BDP1: variants seen among roughly 807,000 people sequenced by gnomAD.
BDP1 encodes the protein BDP1 general transcription factor IIIB subunit.
A neutral mutation model predicts 266.6 loss-of-function variants in BDP1; 169 were observed. The ratio of observed to expected loss-of-function variants is 0.63; its 90% CI spans 0.56 to 0.72. The LOEUF (loss-of-function observed/expected upper bound fraction) is 0.72. Ranked by LOEUF, BDP1 falls within the 30% of genes least tolerant of loss-of-function variation. BDP1 has a pLI of 0.00. For synonymous variants in BDP1, 1,090 were observed against 1,022.4 expected, an observed-to-expected ratio of 1.07 and a Z score of -1.26; for missense variants, 3,015 against 3,053.8, an observed-to-expected ratio of 0.99 and a Z score of 0.30.
intron 38 of BDP1, among the ~76,000 whole-genome samples, chr5:71,564,403 ATTT>A (rs1175103827): frequency 6.6e-6 from 1 of 151,728 alleles, no homozygotes; most frequent in African/African-American, 2.4e-5. Flanking sequence ...CTTTATTAAA[ATTT>A]TTCATGGAAA....
In BDP1 at chr5:71,565,517, A is replaced by C. The variant is rs147519129; in HGVS notation, c.*632A>C. On this transcript the variant is annotated 3_prime_UTR_variant, in exon 39 of 39. Transcript: ENST00000358731. ...ATGTTTAGATACACAAATACTTACT[A>C]TTGTGTTACAACTGCCTACAGTATT... The C allele has an allele frequency of 6.6e-6, 1 of 152,484 alleles. No homozygotes were observed. Among genetic ancestry groups the C allele is most frequent in the African/African-American group, 2.4e-5 (1 of 41,456 alleles). The allele number at this position is 152,484 out of a possible 1,614,324, so 9.4% of individuals were successfully genotyped here. A position where few individuals can be genotyped will look rare whatever the true frequency, so the allele number is the denominator to read the frequency against.
intron 33 of BDP1, among the ~76,000 whole-genome samples, chr5:71,549,027 C>A (rs1302642763): frequency 1.3e-5 from 2 of 152,018 alleles, no homozygotes; most frequent in Admixed American, 1.3e-4. Flanking sequence ...TCACTTGAGG[C>A]CAGGAGTTCG....
chr5:71,572,286 A>G (rs2112189818), downstream of BDP1, among the ~76,000 whole-genome samples: 1 of 151,980 alleles, frequency 6.6e-6, no homozygotes, highest in Middle Eastern at 3.4e-3. Flanking sequence ...TCTTGTCTTT[A>G]TTCCCGCATT....
chr5:71,510,072 C>G lies in BDP1; in HGVS notation c.2980C>G (p.Pro994Ala), dbSNP rs776839747. Reference protein sequence around the residue: ...LEETGRRKISPRENGPEEVKP... With the variant: ...LEETGRRKISARENGPEEVKP... ...AGAAACTGGAAGAAGAAAAATATCC[C>G]CAAGGGAAAATGGCCCAGAGGAGGT... The change falls in exon 17 of 39, where the codon CCA becomes GCA. Residue 994 changes from proline (P) to alanine (A), a missense_variant. Coordinates refer to ENST00000358731, the MANE Select transcript of BDP1 (RefSeq NM_018429.3). 2 of 1,612,280 alleles carry G rather than the reference C, an allele frequency of 1.2e-6. No individual in the cohort carries two copies. The highest frequency in any genetic ancestry group is 1.7e-6 in the Non-Finnish European group (2 of 1,179,718).
At chr5:71,495,635 A>G (rs1477110802) in intron 12 of BDP1, among the ~76,000 whole-genome samples, 2 of 152,308 alleles carry the variant, frequency 1.3e-5, no homozygotes, top group African/African-American at 4.8e-5. Flanking sequence ...TCTGTTATAT[A>G]ATAATGATAT....
At chr5:71,531,942 A>T (rs190152274) in intron 25 of BDP1, among the ~76,000 whole-genome samples, 2 of 152,320 alleles carry the variant, frequency 1.3e-5, no homozygotes, top group East Asian at 1.9e-4. Flanking sequence ...ATCTTATTTG[A>T]CTTTATATCC....
chr5:71,509,329 C>T, intron 16 of BDP1, 136 bp from the exon 17 acceptor site: 1 of 899,672 alleles, frequency 1.1e-6, no homozygotes, highest in Non-Finnish European at 1.6e-6. Flanking sequence ...AAATTTTACC[C>T]AGCGATTCCT....
chr5:71,529,341 G>C (rs1440751142), intron 25 of BDP1, among the ~76,000 whole-genome samples: 1 of 152,032 alleles, frequency 6.6e-6, no homozygotes, highest in African/African-American at 2.4e-5. Flanking sequence ...GGTGAGCCAA[G>C]ATCACACCAC....
At chr5:71,524,617 T>G (rs1056781553) in intron 25 of BDP1, among the ~76,000 whole-genome samples, 2 of 149,006 alleles carry the variant, frequency 1.3e-5, no homozygotes, top group African/African-American at 4.9e-5. Flanking sequence ...TTTTATTTTT[T>G]ATTTTTTATT....
chr5:71,501,706 A>C, intron 14 of BDP1, 53 bp downstream of exon 14: 1 of 1,003,034 alleles, frequency 1.0e-6, no homozygotes, highest in South Asian at 1.5e-5. Flanking sequence ...AACTCTTAGG[A>C]ATGATGGTAA....
intron 32 of BDP1, among the ~76,000 whole-genome samples, chr5:71,547,760 C>T (rs1307158387): frequency 6.6e-6 from 1 of 151,934 alleles, no homozygotes; most frequent in African/African-American, 2.4e-5. Context: ...TCATCCTGGC[C>T]AACATGGTGA....
the BDP1 span, among the ~76,000 whole-genome samples, chr5:71,574,178 A>G: frequency 6.6e-6 from 1 of 152,222 alleles, no homozygotes; most frequent in South Asian, 2.1e-4. Context: ...ATGGGAAAAT[A>G]TTATAATTGT....
Position 71,466,197 on chromosome 5 carries a change from G to A in BDP1, c.761G>A (p.Gly254Asp). ...CCTCGAGTAAAAGTGGCAGAAGATG[G>A]TTCCATTATTTTGGATGAAGAAAGG... ...LVPRVKVAED[G>D]SIILDEESLT... The change falls in exon 5 of 39, where the codon GGT becomes GAT. Residue 254 changes from glycine (G) to aspartate (D), a missense_variant. This residue lies in a region of BDP1 where 2,383 missense variants were observed against 2,404.9 expected (regional missense o/e 0.99). Transcript: ENST00000358731. The A allele has an allele frequency of 1.2e-6, 2 of 1,614,004 alleles. No individual in the cohort carries two copies. The highest frequency in any genetic ancestry group is 1.1e-5 in the South Asian group (1 of 91,060).
chr5:71,511,330 T>A (rs1390233004), intron 17 of BDP1, 179 bp downstream of exon 17: 2 of 643,334 alleles, frequency 3.1e-6, no homozygotes, highest in East Asian at 5.7e-5. Flanking sequence ...TGTTCTTTTT[T>A]AAAAAGATAA....
chr5:71,457,908 T>C (rs1251982482), intron 1 of BDP1, among the ~76,000 whole-genome samples: 2 of 152,356 alleles, frequency 1.3e-5, no homozygotes, highest in Non-Finnish European at 2.9e-5. Context: ...GAAATACTTA[T>C]ATCTGAGGTA....
At chr5:71,469,476 A>G (rs1345136183) in intron 6 of BDP1, among the ~76,000 whole-genome samples, 3 of 151,960 alleles carry the variant, frequency 2.0e-5, no homozygotes, top group African/African-American at 4.8e-5. Flanking sequence ...TTTATATACT[A>G]CTTAGCACAT....
intron 28 of BDP1, among the ~76,000 whole-genome samples, chr5:71,540,446 G>A (rs1273534535): frequency 6.6e-6 from 1 of 152,114 alleles, no homozygotes; most frequent in African/African-American, 2.4e-5. Flanking sequence ...TCCTGCCTTA[G>A]CCTCTCAAGT....
intron 7 of BDP1, among the ~76,000 whole-genome samples, chr5:71,478,422 C>T (rs971315730): frequency 6.6e-6 from 1 of 152,132 alleles, no homozygotes. Flanking sequence ...GTCCAAATGA[C>T]AGGTCTACTG....
intron 12 of BDP1, 53 bp from the exon 13 acceptor site, chr5:71,497,217 C>T: frequency 6.6e-7 from 1 of 1,505,744 alleles, no homozygotes; most frequent in Non-Finnish European, 9.1e-7. Flanking sequence ...TTTAGAAGTT[C>T]ATTTGGACAT....
Sources: gnomAD v4.1 joint callset for allele counts (sites outside exome capture counted in the v4.1 genomes callset) on GRCh38, gnomAD v4.1.1 for gene constraint, gnomAD v4.1.1 regional missense constraint, MANE v1.5 for transcripts, NCBI Gene and HGNC (gene_info 2026-07-23, HGNC 2026-07-21) for gene names.